The following CYP19A1 variants were observed in gnomAD, a reference collection of about 807,000 sequenced individuals.
The protein encoded by CYP19A1 is cytochrome P450 family 19 subfamily A member 1, also known as aromatase.
CYP19A1 carries 32 observed loss-of-function variants against 44.4 expected under a neutral mutation model. The observed-to-expected ratio is 0.72, with a 90% CI of 0.54 to 0.97. The LOEUF (loss-of-function observed/expected upper bound fraction) is 0.97, where lower values mean the gene tolerates loss of function less well. CYP19A1 is among the 50% of genes least tolerant of loss of function. The probability of loss-of-function intolerance (pLI) is 0.00; values close to 1 mark genes in which losing one functional copy is unlikely to be tolerated. For missense variants in CYP19A1, 598 were observed against 637.8 expected, an observed-to-expected ratio of 0.94 and a Z score of 0.67; for synonymous variants, 212 against 215.6, an observed-to-expected ratio of 0.98 and a Z score of 0.14.
chr15:51,315,801 T>C (rs547527093), intron 1 of CYP19A1: 1 of 152,300 alleles, frequency 6.6e-6, no homozygotes, highest in East Asian at 1.9e-4. Flanking sequence ...GTTATTTTAA[T>C]AGCACGCTCC....
intron 1 of CYP19A1, among the ~76,000 whole-genome samples, chr15:51,243,252 A>C (rs981733007): frequency 1.3e-5 from 2 of 152,108 alleles, no homozygotes; most frequent in Admixed American, 6.5e-5. Context: ...TCCCAATTGA[A>C]AGCCAAATTT....
At chr15:51,223,516 G>A (rs1317137632) in intron 4 of CYP19A1, among the ~76,000 whole-genome samples, 1 of 151,244 alleles carries the variant, frequency 6.6e-6, no homozygotes, top group Non-Finnish European at 1.5e-5. Context: ...GAAAAATATT[G>A]GGAAACTTTG....
rs748544645 is a variant in CYP19A1, at chr15:51,298,587, C to T, written c.-39+39908G>A. On this transcript the variant is annotated intron_variant, in intron 1 of 9. Coordinates refer to ENST00000396402, the MANE Select transcript of CYP19A1 (RefSeq NM_000103.4). The stretch of plus-strand genomic sequence containing the variant: ...AAGCAGACTAGATGGTTTCTAAGGA[C>T]TCTTCTAGCTTGGCCATTTTTAGGA... 2.6e-5 allele frequency among the ~76,000 whole-genome samples: 4 copies of T among 152,182 alleles called. No homozygotes were observed. In the East Asian group the frequency reaches 7.7e-4, roughly 29 times the overall value.
At chr15:51,257,191 A>G (rs986455788) in intron 1 of CYP19A1, among the ~76,000 whole-genome samples, 1 of 152,160 alleles carries the variant, frequency 6.6e-6, no homozygotes, top group African/African-American at 2.4e-5. Context: ...TCACCTTATT[A>G]TATCTAAACC....
intron 1 of CYP19A1, 115 bp downstream of exon 1, chr15:51,338,380 A>G (rs1472554624): frequency 7.2e-5 from 11 of 152,216 alleles, no homozygotes; most frequent in Admixed American, 7.2e-4. Flanking sequence ...TTTCCCCCAC[A>G]CACCAAGCAG....
Position 51,310,321 on chromosome 15 carries a change from G to C in CYP19A1, c.-39+28174C>G, listed in dbSNP as rs541044476. ...GCTGAATGACCAATATGGTGATGGT[G>C]AATTTCCTGGAATTTGTTTTCTCCT... On this transcript the variant is annotated intron_variant, in intron 1 of 9. Coordinates refer to ENST00000396402, the MANE Select transcript of CYP19A1 (RefSeq NM_000103.4). 4.6e-5 allele frequency among the ~76,000 whole-genome samples: 7 copies of C among 152,346 alleles called. No individual in the cohort carries two copies. In the South Asian group the frequency reaches 1.4e-3, roughly 32 times the overall value.
intron 1 of CYP19A1, among the ~76,000 whole-genome samples, chr15:51,326,707 CT>C (rs1399970547): frequency 1.3e-5 from 2 of 152,074 alleles, no homozygotes; most frequent in African/African-American, 2.4e-5. Context: ...AATTTTGAAC[CT>C]GGAAGAAACC....
chr15:51,322,844 G>A (rs2036548900), intron 1 of CYP19A1, among the ~76,000 whole-genome samples: 1 of 152,182 alleles, frequency 6.6e-6, no homozygotes, highest in African/African-American at 2.4e-5. Flanking sequence ...TCAGCTCCAT[G>A]AGTCCATAAC....
In CYP19A1 at chr15:51,224,186, T is replaced by C. The variant is rs528618660; in HGVS notation, c.452-1661A>G. Among the ~76,000 whole-genome samples the C allele has an allele frequency of 1.3e-4, 20 of 152,248 alleles. No individual in the cohort carries two copies. In the East Asian group the frequency reaches 2.1e-3, roughly 16 times the overall value. ...CTTCCCTACCTCCCAAGATGGGTCA[T>C]TGCCTAAGTTGCACTTAACTATTTC... is the stretch of plus-strand genomic sequence containing the variant. On this transcript the variant is annotated intron_variant, in intron 4 of 9. Transcript: ENST00000396402.
At chr15:51,241,561 C>T (rs1267811915) in intron 2 of CYP19A1, among the ~76,000 whole-genome samples, 1 of 151,914 alleles carries the variant, frequency 6.6e-6, no homozygotes, top group South Asian at 2.1e-4. Flanking sequence ...CACTTACTCA[C>T]CCCACCCCGA....
chr15:51,258,548 T>C (rs1464554896), intron 1 of CYP19A1, among the ~76,000 whole-genome samples: 1 of 152,200 alleles, frequency 6.6e-6, no homozygotes, highest in Admixed American at 6.5e-5. Context: ...ATGCTGCACA[T>C]TTATGTGTTC....
chr15:51,276,156 A>G (rs906719137), intron 1 of CYP19A1, among the ~76,000 whole-genome samples: 4 of 152,206 alleles, frequency 2.6e-5, no homozygotes, highest in African/African-American at 7.2e-5. Context: ...TGTCTCAGAA[A>G]TAACTAATCC....
intron 1 of CYP19A1, among the ~76,000 whole-genome samples, chr15:51,328,157 A>G (rs1468893985): frequency 6.6e-6 from 1 of 152,246 alleles, no homozygotes; most frequent in Non-Finnish European, 1.5e-5. Flanking sequence ...AACAATCTTC[A>G]TAAAGTCCTG....
At chr15:51,294,299 G>T (rs1283626291) in intron 1 of CYP19A1, among the ~76,000 whole-genome samples, 2 of 146,288 alleles carry the variant, frequency 1.4e-5, no homozygotes, top group South Asian at 2.2e-4. Context: ...CATCGTCTGA[G>T]ATGTGGGGAG....
chr15:51,236,757 C>T (rs1392151215), intron 3 of CYP19A1, 102 bp downstream of exon 3: 83 of 1,370,114 alleles, frequency 6.1e-5, no homozygotes, highest in Non-Finnish European at 7.4e-5. Flanking sequence ...AAAAATATAG[C>T]GTTAGAAACA....
intron 1 of CYP19A1, among the ~76,000 whole-genome samples, chr15:51,271,848 C>T (rs2035138528): frequency 6.6e-6 from 1 of 152,224 alleles, no homozygotes; most frequent in Non-Finnish European, 1.5e-5. Flanking sequence ...TTTCCTCTGG[C>T]ACTTTTTACA....
chr15:51,319,655 T>C (rs1261264195), intron 1 of CYP19A1, among the ~76,000 whole-genome samples: 2 of 152,228 alleles, frequency 1.3e-5, no homozygotes, highest in Admixed American at 6.5e-5. Context: ...AAATCATGTC[T>C]TCATATATAG....
chr15:51,224,543 G>A (rs2032412937), intron 4 of CYP19A1, among the ~76,000 whole-genome samples: 1 of 152,018 alleles, frequency 6.6e-6, no homozygotes, highest in Admixed American at 6.5e-5. Flanking sequence ...AGTACTATAG[G>A]CTCTACTACT....
At chr15:51,229,641 T>A (rs1242669979) in intron 3 of CYP19A1, among the ~76,000 whole-genome samples, 1 of 152,130 alleles carries the variant, frequency 6.6e-6, no homozygotes, top group East Asian at 1.9e-4. Context: ...AATTTTGTCA[T>A]ATATAGAAAA....
Sources: gnomAD v4.1 joint callset for allele counts (sites outside exome capture counted in the v4.1 genomes callset) on GRCh38, gnomAD v4.1.1 for gene constraint, MANE v1.5 for transcripts, NCBI Gene and HGNC (gene_info 2026-07-23, HGNC 2026-07-21) for gene names.